The following TMEM108 variants were observed in gnomAD, a reference collection of about 807,000 sequenced individuals.
The protein encoded by TMEM108 is cancer/testis antigen 124.
Under a neutral mutation model 35.1 loss-of-function variants are expected in TMEM108, and 12 were observed. The ratio of observed to expected loss-of-function variants is 0.34; its 90% confidence interval spans 0.22 to 0.55. The LOEUF (loss-of-function observed/expected upper bound fraction) is 0.55, where lower values mean the gene tolerates loss of function less well. Among genes scored for constraint, TMEM108 ranks in the 20% least tolerant of loss-of-function variants. The pLI is 0.89. For missense variants in TMEM108, 680 were observed against 753.3 expected, an observed-to-expected ratio of 0.90 and a Z score of 1.14; for synonymous variants, 287 against 308.6, an observed-to-expected ratio of 0.93 and a Z score of 0.73.
At chr3:133,354,657 C>T (rs2072107680) in intron 3 of TMEM108, among the ~76,000 whole-genome samples, 1 of 152,096 alleles carries the variant, frequency 6.6e-6, no homozygotes, top group African/African-American at 2.4e-5. Context: ...TAGCAGGGTA[C>T]TTTTCCTGCC....
chr3:133,247,154 A>G (rs1343162444), intron 3 of TMEM108: 1 of 152,218 alleles, frequency 6.6e-6, no homozygotes, highest in Non-Finnish European at 1.5e-5. Flanking sequence ...TATTTTCCAA[A>G]TGAACAAACT....
At chr3:133,181,071 T>C (rs1342640227) in intron 2 of TMEM108, among the ~76,000 whole-genome samples, 2 of 150,086 alleles carry the variant, frequency 1.3e-5, no homozygotes, top group Non-Finnish European at 3.0e-5. Flanking sequence ...TTATTTTTAT[T>C]TGGAGAATAA....
intron 2 of TMEM108, among the ~76,000 whole-genome samples, chr3:133,168,500 G>A (rs1185780099): frequency 6.6e-6 from 1 of 152,088 alleles, no homozygotes; most frequent in South Asian, 2.1e-4. Flanking sequence ...GGTCGGGTGG[G>A]AACTTGGAGA....
intron 3 of TMEM108, among the ~76,000 whole-genome samples, chr3:133,300,975 TACACACACACACAC>T (rs66703555): frequency 0.22 from 28,325 of 129,346 alleles, 4,171 homozygotes; most frequent in Non-Finnish European, 0.27. Context: ...CAGACCCCAG[TACACACACACACAC>T]ACACACACAC....
At chr3:133,222,760 T>G (rs976264583) in intron 2 of TMEM108, among the ~76,000 whole-genome samples, 1 of 152,122 alleles carries the variant, frequency 6.6e-6, no homozygotes, top group South Asian at 2.1e-4. Context: ...CAATTTCTAT[T>G]AAATTTCTCA....
At chr3:133,296,421 A>C (rs1344371534) in intron 3 of TMEM108, among the ~76,000 whole-genome samples, 3 of 152,176 alleles carry the variant, frequency 2.0e-5, no homozygotes, top group Admixed American at 1.3e-4. Flanking sequence ...ATTTATATTT[A>C]TGCACAAAGA....
chr3:133,171,612 G>A (rs1339331030), intron 2 of TMEM108, among the ~76,000 whole-genome samples: 1 of 152,152 alleles, frequency 6.6e-6, no homozygotes, highest in Non-Finnish European at 1.5e-5. Flanking sequence ...ACTTTCCACT[G>A]TACCTCAGGA....
intron 2 of TMEM108, among the ~76,000 whole-genome samples, chr3:133,182,926 G>T (rs530793579): frequency 3.0e-4 from 46 of 152,322 alleles, no homozygotes; most frequent in African/African-American, 9.6e-4. Context: ...TGAAGGTAGA[G>T]GAGATTTTAT....
chr3:133,373,384 TGATAGATAGATAGATA>T (rs55867564), intron 3 of TMEM108, among the ~76,000 whole-genome samples: 8,987 of 136,236 alleles, frequency 0.066, 404 homozygotes, highest in Admixed American at 0.12. Context: ...GATAGATAGA[TGATAGATAGATAGATA>T]GATAGATAGA....
intron 3 of TMEM108, among the ~76,000 whole-genome samples, chr3:133,231,705 A>G (rs1946155693): frequency 6.6e-6 from 1 of 152,202 alleles, no homozygotes; most frequent in Admixed American, 6.5e-5. Flanking sequence ...ACAGCTTATA[A>G]CAGTTATCTT....
chr3:133,359,267 T>C (rs1265597481), intron 3 of TMEM108, among the ~76,000 whole-genome samples: 1 of 152,232 alleles, frequency 6.6e-6, no homozygotes, highest in Non-Finnish European at 1.5e-5. Flanking sequence ...GAAACCCTGC[T>C]TTTTAATTCC....
At chr3:133,234,379 G>T (rs546786095) in intron 3 of TMEM108, among the ~76,000 whole-genome samples, 2 of 152,124 alleles carry the variant, frequency 1.3e-5, no homozygotes, top group Non-Finnish European at 2.9e-5. Flanking sequence ...AAATCCAGCA[G>T]CACATCAAAA....
chr3:133,046,348 A>G (rs1277403842), intron 2 of TMEM108, among the ~76,000 whole-genome samples: 10 of 152,158 alleles, frequency 6.6e-5, no homozygotes, highest in Non-Finnish European at 1.5e-4. Flanking sequence ...CCTGATTATC[A>G]TTTCCTTATA....
intron 3 of TMEM108, among the ~76,000 whole-genome samples, chr3:133,350,218 T>TA (rs1291781452): frequency 2.0e-5 from 3 of 151,814 alleles, no homozygotes; most frequent in African/African-American, 7.3e-5. Context: ...ATGTGGTATC[T>TA]AAAAAAAGAA....
chr3:133,083,430 T>C (rs1943840996), intron 2 of TMEM108, among the ~76,000 whole-genome samples: 1 of 152,162 alleles, frequency 6.6e-6, no homozygotes, highest in Non-Finnish European at 1.5e-5. Context: ...TTGGGTAAGT[T>C]GTTTTCTCCT....
At chr3:133,311,571 T>G (rs2071128864) in intron 3 of TMEM108, among the ~76,000 whole-genome samples, 1 of 152,234 alleles carries the variant, frequency 6.6e-6, no homozygotes, top group Non-Finnish European at 1.5e-5. Context: ...TCAGGTCATT[T>G]AAGGTCTTCT....
intron 3 of TMEM108, among the ~76,000 whole-genome samples, chr3:133,330,927 G>A (rs1291024708): frequency 6.6e-6 from 1 of 152,008 alleles, no homozygotes; most frequent in Non-Finnish European, 1.5e-5. Context: ...CAGAGAAAGA[G>A]GATCAAATAA....
chr3:133,299,416 G>A (rs114448563), intron 3 of TMEM108, among the ~76,000 whole-genome samples: 2,567 of 152,180 alleles, frequency 0.017, 78 homozygotes, highest in African/African-American at 0.057. Flanking sequence ...TATAGACGGG[G>A]TTGGAGTTGG....
chr3:133,058,129 G>GA (rs1311469173), intron 2 of TMEM108, among the ~76,000 whole-genome samples: 1 of 152,002 alleles, frequency 6.6e-6, no homozygotes, highest in East Asian at 1.9e-4. Flanking sequence ...TGAGTACCAG[G>GA]AAAAAAAAGT....
Sources: gnomAD v4.1 joint callset for allele counts (sites outside exome capture counted in the v4.1 genomes callset) on GRCh38, gnomAD v4.1.1 for gene constraint, MANE v1.5 for transcripts, NCBI Gene and HGNC (gene_info 2026-07-23, HGNC 2026-07-21) for gene names.